CPSF7: variants seen among roughly 807,000 people sequenced by gnomAD.
The protein encoded by CPSF7 is cleavage and polyadenylation specificity factor subunit 7.
A neutral mutation model predicts 44.3 loss-of-function variants in CPSF7; 1 was observed. The observed-to-expected ratio is 0.02, with a 90% CI of 0.01 to 0.11. The LOEUF is 0.11. CPSF7 is among the 10% of genes least tolerant of loss of function. The pLI is 1.00. For synonymous variants in CPSF7, 202 were observed against 222.0 expected, an observed-to-expected ratio of 0.91 and a Z score of 0.80; for missense variants, 443 against 607.2, an observed-to-expected ratio of 0.73 and a Z score of 2.84.
intron 5 of CPSF7, among the ~76,000 whole-genome samples, chr11:61,418,395 G>C (rs995380685): frequency 4.6e-5 from 7 of 152,198 alleles, no homozygotes; most frequent in Non-Finnish European, 1.0e-4. Flanking sequence ...CCAAGGTCTA[G>C]TCCTCAGGTT....
chr11:61,408,521 G>C (rs1306847960), intron 9 of CPSF7, among the ~76,000 whole-genome samples: 1 of 152,182 alleles, frequency 6.6e-6, no homozygotes, highest in African/African-American at 2.4e-5. Flanking sequence ...GGGTCACGCA[G>C]TAGCCTCCAA....
At chr11:61,426,003 C>T (rs1009159424) in intron 2 of CPSF7, among the ~76,000 whole-genome samples, 2 of 152,248 alleles carry the variant, frequency 1.3e-5, no homozygotes, top group Admixed American at 6.5e-5. Context: ...AGCAACTGAT[C>T]TCAGTCACCT....
intron 2 of CPSF7, chr11:61,426,916 TACTC>T (rs1861410942): frequency 6.7e-6 from 1 of 150,248 alleles, no homozygotes; most frequent in Non-Finnish European, 1.5e-5. Flanking sequence ...TAGTCCCATC[TACTC>T]AGGAGGCTGA....
At chr11:61,426,695 T>C (rs907891940) in intron 2 of CPSF7, 4 of 152,104 alleles carry the variant, frequency 2.6e-5, no homozygotes, top group Non-Finnish European at 5.9e-5. Context: ...CTATTATCAA[T>C]CCACAGATAA....
intron 5 of CPSF7, 162 bp downstream of exon 5, chr11:61,419,787 G>T: frequency 2.5e-6 from 2 of 794,460 alleles, no homozygotes; most frequent in South Asian, 3.6e-5. Context: ...CTATTCTGAG[G>T]ACTACTTGTC....
chr11:61,403,115 G>A lies in CPSF7; in HGVS notation c.*1595C>T, dbSNP rs1859026086. 6.6e-6 allele frequency: 1 copy of A among 152,452 alleles called. No individual in the cohort carries two copies. The highest frequency in any genetic ancestry group is 2.1e-4 in the South Asian group (1 of 4,832). 9.4% of individuals were successfully genotyped at this position (152,452 alleles called of 1,614,324 possible). A position where few individuals can be genotyped will look rare whatever the true frequency, so the allele number is the denominator to read the frequency against. Reference sequence around the variant, plus strand: ...AGGGGAAAAAAAGCTCCAACCTGTAGCCTCTGTCCCAAGGGAATGTGCCTC... The same window carrying A: ...AGGGGAAAAAAAGCTCCAACCTGTAACCTCTGTCCCAAGGGAATGTGCCTC... On this transcript the variant is annotated 3_prime_UTR_variant, in exon 10 of 10. Transcript: ENST00000439958.
chr11:61,419,140 A>C (rs923668890), intron 5 of CPSF7, among the ~76,000 whole-genome samples: 6 of 152,124 alleles, frequency 3.9e-5, no homozygotes, highest in African/African-American at 1.4e-4. Flanking sequence ...CTCCTGCCTC[A>C]GTCTCCCGTG....
Position 61,429,945 on chromosome 11 carries a change from G to C in CPSF7, c.-87C>G, listed in dbSNP as rs910228797. On this transcript the variant is annotated 5_prime_UTR_variant, in exon 1 of 10. Coordinates refer to ENST00000439958, the MANE Select transcript of CPSF7 (RefSeq NM_001142565.3). ...TATGGCGGCGGCGGCGGCGAGTCCG[G>C]ACTAGGCCCGAAGCGCGCGAACCGC... is the stretch of plus-strand genomic sequence containing the variant. 17 of 1,395,196 alleles carry C rather than the reference G, an allele frequency of 1.2e-5. No homozygotes were observed. Among genetic ancestry groups the C allele is most frequent in the Middle Eastern group, 2.2e-4 (1 of 4,600 alleles). 86.4% of individuals were successfully genotyped at this position (1,395,196 alleles called of 1,614,324 possible).
chr11:61,409,571 C>T (rs1859663749), intron 9 of CPSF7, among the ~76,000 whole-genome samples: 1 of 152,172 alleles, frequency 6.6e-6, no homozygotes, highest in Non-Finnish European at 1.5e-5. Flanking sequence ...TTATCCACCA[C>T]AAAGCCTCTA....
At chr11:61,418,724 C>CT (rs58703617) in intron 5 of CPSF7, among the ~76,000 whole-genome samples, 1,837 of 144,662 alleles carry the variant, frequency 0.013, 36 homozygotes, top group African/African-American at 0.041. Context: ...TTTCTTTTTT[C>CT]TTTTTTTTTT....
At chr11:61,410,120 G>T (rs1032899013) in intron 9 of CPSF7, among the ~76,000 whole-genome samples, 1 of 151,450 alleles carries the variant, frequency 6.6e-6, no homozygotes, top group Admixed American at 6.6e-5. Flanking sequence ...CCTTTTTTCA[G>T]ACAAGGTCTC....
intron 2 of CPSF7, among the ~76,000 whole-genome samples, chr11:61,423,968 A>C (rs1402350901): frequency 2.6e-5 from 4 of 152,242 alleles, no homozygotes; most frequent in Non-Finnish European, 5.9e-5. Flanking sequence ...AAATAATTTC[A>C]AATATTAAAA....
intron 2 of CPSF7, among the ~76,000 whole-genome samples, chr11:61,423,826 T>A (rs187097384): frequency 3.3e-5 from 5 of 152,298 alleles, no homozygotes; most frequent in Admixed American, 3.3e-4. Context: ...CCTTGTATTA[T>A]AAGAACCTTT....
At chr11:61,422,740 G>A (rs1860999493) in intron 2 of CPSF7, among the ~76,000 whole-genome samples, 1 of 152,164 alleles carries the variant, frequency 6.6e-6, no homozygotes, top group African/African-American at 2.4e-5. Context: ...TATGGAAAAT[G>A]TGCAAAATAC....
rs1254721537 is a variant in CPSF7, at chr11:61,406,750, C to A, written c.*6-2046G>T. Among the ~76,000 whole-genome samples, 7 of 152,252 alleles carry A rather than the reference C, an allele frequency of 4.6e-5. No homozygotes were observed. The South Asian group carries it at 1.5e-3, about 32-fold the overall frequency. On this transcript the variant is annotated intron_variant, in intron 9 of 9. Coordinates refer to ENST00000439958, the MANE Select transcript of CPSF7 (RefSeq NM_001142565.3). The stretch of plus-strand genomic sequence containing the variant: ...GTCTCATCTTATTTTATTTTTATTA[C>A]TATTTTTTTTGAGACAGGGTCTTGC...
chr11:61,428,845 A>G (rs541719574), intron 2 of CPSF7: 15 of 175,814 alleles, frequency 8.5e-5, no homozygotes, highest in Non-Finnish European at 1.5e-4. Context: ...GTCCTCATGA[A>G]TACCGTAGCA....
chr11:61,423,169 C>G, intron 2 of CPSF7, among the ~76,000 whole-genome samples: 1 of 60,800 alleles, frequency 1.6e-5, no homozygotes, highest in South Asian at 1.0e-3. Context: ...TCAGAGAAAT[C>G]TTTTTTTTTT....
chr11:61,406,254 G>A (rs1374372252), intron 9 of CPSF7: 1 of 152,078 alleles, frequency 6.6e-6, no homozygotes, highest in Admixed American at 6.5e-5. Context: ...CCCAGAACTG[G>A]GTCTTACGCC....
At chr11:61,411,740 G>C (rs748946177) in intron 8 of CPSF7, 29 bp downstream of exon 8, 1 of 1,593,622 alleles carries the variant, frequency 6.3e-7, no homozygotes, top group Non-Finnish European at 8.6e-7. Context: ...GCTTGGGGCT[G>C]GTAGGTGAGG....
Sources: gnomAD v4.1 joint callset for allele counts (sites outside exome capture counted in the v4.1 genomes callset) on GRCh38, gnomAD v4.1.1 for gene constraint, MANE v1.5 for transcripts, NCBI Gene and HGNC (gene_info 2026-07-23, HGNC 2026-07-21) for gene names.